Variants in CENPH observed in about 807,000 individuals in gnomAD.
The protein encoded by CENPH is centromere protein H.
Under a neutral mutation model 42.9 loss-of-function variants are expected in CENPH, and 40 were observed. That is an observed-to-expected ratio of 0.93 (90% confidence interval 0.72 to 1.21). CENPH has a LOEUF of 1.21. Ranked by LOEUF, CENPH falls within the 50% of genes most tolerant of loss-of-function variation. CENPH has a pLI of 0.00. For missense variants in CENPH, 302 were observed against 292.9 expected, an observed-to-expected ratio of 1.03 and a Z score of -0.23; for synonymous variants, 88 against 96.5, an observed-to-expected ratio of 0.91 and a Z score of 0.52.
In CENPH at chr5:69,203,227, CTT is replaced by C. The variant is rs1436211734; in HGVS notation, c.487+258_487+259del. On this transcript the variant is annotated intron_variant, in intron 7 of 8. Coordinates refer to ENST00000283006, the MANE Select transcript of CENPH (RefSeq NM_022909.4). ...CTATCACCCAGGTGGAATGCAGTGA[CTT>C]GATCTTGGCTCACTGCAACCTCTGC... Among the ~76,000 whole-genome samples, 41 of 152,292 alleles carry C rather than the reference CTT, an allele frequency of 2.7e-4. No homozygotes were observed. The East Asian group carries it at 7.9e-3, about 29-fold the overall frequency.
At chr5:69,199,301 GGTAGCTGGGACTACAGGTGC>G in intron 5 of CENPH, among the ~76,000 whole-genome samples, 1 of 152,156 alleles carries the variant, frequency 6.6e-6, no homozygotes, top group South Asian at 2.1e-4. Flanking sequence ...CAGCCTCCCA[GGTAGCTGGGACTACAGGTGC>G]CCACCACCGT....
chr5:69,196,905 A>C, intron 4 of CENPH, 148 bp from the exon 5 acceptor site: 1 of 546,544 alleles, frequency 1.8e-6, no homozygotes, highest in South Asian at 3.2e-5. Context: ...TTTATTTCTC[A>C]AAGTATTTCT....
chr5:69,197,018 C>T, intron 4 of CENPH, 35 bp from the exon 5 acceptor site: 2 of 1,397,364 alleles, frequency 1.4e-6, no homozygotes, highest in East Asian at 2.4e-5. Flanking sequence ...AAATGTTATC[C>T]ATGTTTTATA....
intron 4 of CENPH, among the ~76,000 whole-genome samples, chr5:69,196,754 G>C (rs350107): frequency 0.6 from 90,562 of 152,032 alleles, 27,517 homozygotes; most frequent in African/African-American, 0.71. Context: ...AATCCTTCCA[G>C]TGGCTTTGCA....
rs1747827631 is a variant in CENPH, at chr5:69,189,585, T to C, written c.-50T>C. 3.3e-6 allele frequency: 5 copies of C among 1,510,330 alleles called. No individual in the cohort carries two copies. Among genetic ancestry groups the C allele is most frequent in the Non-Finnish European group, 4.4e-6 (5 of 1,131,656 alleles). 93.6% of individuals were successfully genotyped at this position (1,510,330 alleles called of 1,614,324 possible). On this transcript the variant is annotated 5_prime_UTR_variant, in exon 1 of 9. Coordinates refer to ENST00000283006, the MANE Select transcript of CENPH (RefSeq NM_022909.4). The stretch of plus-strand genomic sequence containing the variant: ...CATTTAGTGGCGGGAAAAGCGACCT[T>C]TTCTGAGCGCGTTTGCCTGTTGAGT...
chr5:69,209,293 C>T (rs556448229), intron 8 of CENPH, among the ~76,000 whole-genome samples: 157 of 151,840 alleles, frequency 1.0e-3, no homozygotes, highest in African/African-American at 3.5e-3. Context: ...GAGGCCAAGG[C>T]GGGTGGATCA....
At chr5:69,206,531 C>T (rs1175904397) in intron 7 of CENPH, among the ~76,000 whole-genome samples, 1 of 151,952 alleles carries the variant, frequency 6.6e-6, no homozygotes, top group East Asian at 1.9e-4. Flanking sequence ...TCTTGTCACC[C>T]AGGCTGGAGT....
chr5:69,202,472 A>G, intron 5 of CENPH, 34 bp from the exon 6 acceptor site: 1 of 1,228,350 alleles, frequency 8.1e-7, no homozygotes, highest in Non-Finnish European at 1.2e-6. Flanking sequence ...GTTACAAATA[A>G]CCTTAATAAA....
At position 69,208,288 on chromosome 5, in the gene CENPH, A is replaced by G; in HGVS notation, c.580A>G (p.Arg194Gly). ...TTTGGACAGTATGGAAAACTCAGAG[A>G]GGATAAAGATCATACGACAAAACCT... is the stretch of plus-strand genomic sequence containing the variant. ...IDLDSMENSE[R>G]IKIIRQNLQM... The change falls in exon 8 of 9, where the codon AGG becomes GGG. Residue 194 changes from arginine (R) to glycine (G), a missense_variant. Coordinates refer to ENST00000283006, the MANE Select transcript of CENPH (RefSeq NM_022909.4). 6.3e-7 allele frequency: 1 copy of G among 1,597,846 alleles called. No individual in the cohort carries two copies. The highest frequency in any genetic ancestry group is 1.1e-5 in the South Asian group (1 of 90,668).
At chr5:69,198,402 G>A (rs1748003954) in intron 5 of CENPH, among the ~76,000 whole-genome samples, 1 of 151,772 alleles carries the variant, frequency 6.6e-6, no homozygotes. Flanking sequence ...CAATTCTCGT[G>A]CCTCAGCCTC....
At chr5:69,202,668 G>A in intron 6 of CENPH, 99 bp downstream of exon 6, 1 of 766,770 alleles carries the variant, frequency 1.3e-6, no homozygotes, top group Non-Finnish European at 2.2e-6. Context: ...TTGTCCAAAG[G>A]GAATGCTATG....
chr5:69,193,481 C>T (rs1747912856), intron 2 of CENPH, among the ~76,000 whole-genome samples: 1 of 151,662 alleles, frequency 6.6e-6, no homozygotes, highest in African/African-American at 2.4e-5. Flanking sequence ...AACAATTGGC[C>T]AGATGTGGTA....
intron 2 of CENPH, among the ~76,000 whole-genome samples, chr5:69,192,878 C>T (rs888178788): frequency 3.3e-5 from 5 of 152,080 alleles, no homozygotes; most frequent in African/African-American, 1.2e-4. Flanking sequence ...GGGCGGATCA[C>T]CTGAGGTCAG....
At chr5:69,196,965 G>T in intron 4 of CENPH, 88 bp from the exon 5 acceptor site, 7 of 770,414 alleles carry the variant, frequency 9.1e-6, no homozygotes, top group South Asian at 4.2e-5. Flanking sequence ...TATTTGAAGG[G>T]AAATCAATCT....
Position 69,191,766 on chromosome 5 carries a change from G to T in CENPH, c.135-29G>T. On this transcript the variant is annotated intron_variant, in intron 1 of 8. Coordinates refer to ENST00000283006, the MANE Select transcript of CENPH (RefSeq NM_022909.4). ...GTAAAACCTTAATCAATAAATATGT[G>T]ACTTTATATTCTCTTTATCTGTTTT... The T allele has an allele frequency of 2.2e-6, 3 of 1,389,028 alleles. No homozygotes were observed. In the South Asian group the frequency reaches 3.5e-5, roughly 16 times the overall value. The allele number at this position is 1,389,028 out of a possible 1,614,324, so 86.0% of individuals were successfully genotyped here. A position where few individuals can be genotyped will look rare whatever the true frequency, so the allele number is the denominator to read the frequency against.
intron 5 of CENPH, among the ~76,000 whole-genome samples, chr5:69,197,911 A>ATTTTTT (rs756442564): frequency 9.0e-6 from 1 of 111,598 alleles, no homozygotes; most frequent in African/African-American, 3.5e-5. Flanking sequence ...CTTACCTATG[A>ATTTTTT]TCTTTTTTTT....
chr5:69,209,667 A>T, intron 8 of CENPH, 40 bp from the exon 9 acceptor site: 1 of 943,386 alleles, frequency 1.1e-6, no homozygotes, highest in Non-Finnish European at 1.6e-6. Flanking sequence ...TTAAATTTTT[A>T]AAGTACTTGT....
chr5:69,190,840 A>G (rs1169934844), intron 1 of CENPH, among the ~76,000 whole-genome samples: 1 of 152,140 alleles, frequency 6.6e-6, no homozygotes, highest in African/African-American at 2.4e-5. Context: ...CAGTGAGCAG[A>G]AGATTGTGCC....
chr5:69,191,694 G>A, intron 1 of CENPH, 101 bp from the exon 2 acceptor site: 2 of 706,288 alleles, frequency 2.8e-6, no homozygotes, highest in Non-Finnish European at 2.5e-6. Flanking sequence ...TTATTTTGTT[G>A]TATCAGCTTC....
Sources: allele counts gnomAD v4.1 joint callset (sites outside exome capture counted in the v4.1 genomes callset), GRCh38; gene constraint gnomAD v4.1.1; transcripts MANE v1.5; gene names NCBI Gene and HGNC (gene_info 2026-07-23, HGNC 2026-07-21).